Variants in FOCAD observed in about 807,000 individuals in gnomAD.
FOCAD encodes the protein focadhesin.
Under a neutral mutation model 225.6 loss-of-function variants are expected in FOCAD, and 198 were observed. That is an observed-to-expected ratio of 0.88 (90% CI 0.78 to 0.99). FOCAD has a LOEUF of 0.99. Ranked by LOEUF, FOCAD falls within the 50% of genes least tolerant of loss-of-function variation. The pLI, the probability that FOCAD is intolerant of heterozygous loss-of-function variation, is 0.00. For synonymous variants in FOCAD, 897 were observed against 755.0 expected (o/e 1.19, Z -3.08); for missense variants, 2,713 against 2,123.6 (o/e 1.28, Z -5.46).
chr9:20,889,070 C>A (rs1272902391), intron 21 of FOCAD, among the ~76,000 whole-genome samples: 1 of 152,158 alleles, frequency 6.6e-6, no homozygotes, highest in Non-Finnish European at 1.5e-5. Flanking sequence ...TTCCCACAAA[C>A]AATTTTAGAA....
chr9:20,765,527 A>G (rs984101191), intron 7 of FOCAD, among the ~76,000 whole-genome samples: 8 of 152,126 alleles, frequency 5.3e-5, no homozygotes, highest in Non-Finnish European at 8.8e-5. Flanking sequence ...TCCAGCTTCC[A>G]CATGTCCCCT....
chr9:20,859,297 G>T (rs544531877), intron 15 of FOCAD, among the ~76,000 whole-genome samples: 2 of 151,736 alleles, frequency 1.3e-5, no homozygotes, highest in Non-Finnish European at 2.9e-5. Context: ...CAGGAGAATT[G>T]CTTGAACCTG....
intron 4 of FOCAD, among the ~76,000 whole-genome samples, chr9:20,732,150 C>T (rs1002376768): frequency 1.3e-5 from 2 of 151,952 alleles, no homozygotes; most frequent in African/African-American, 4.8e-5. Flanking sequence ...GCTGTGATAC[C>T]GTGGTGAGGA....
Position 20,758,168 on chromosome 9 carries a change from G to T in FOCAD, c.471G>T (p.Ala157=). ...CWPVFLQQLT[A]FFQQCPERLE... ...CAGTGTTTTTGCAGCAGCTGACAGC[G>T]TTTTTCCAGCAGTGCCCTGAAAGGT... Residue 157 remains alanine (A), a synonymous_variant, in exon 6 of 44, where the codon GCG becomes GCT. Coordinates refer to ENST00000338382, the MANE Select transcript of FOCAD (RefSeq NM_001375567.1). The T allele has an allele frequency of 6.2e-7, 1 of 1,611,972 alleles. No individual in the cohort carries two copies. The highest frequency in any genetic ancestry group is 8.5e-7 in the Non-Finnish European group (1 of 1,179,060).
At chr9:20,931,919 AG>A (rs71496863) in intron 27 of FOCAD, among the ~76,000 whole-genome samples, 10 of 118,954 alleles carry the variant, frequency 8.4e-5, no homozygotes, top group South Asian at 5.8e-4. Context: ...AAAAAAAAAA[AG>A]GGGGGGAGAA....
intron 15 of FOCAD, among the ~76,000 whole-genome samples, chr9:20,836,757 T>G (rs896108049): frequency 6.6e-6 from 1 of 152,132 alleles, no homozygotes; most frequent in African/African-American, 2.4e-5. Flanking sequence ...AAATTTTAAC[T>G]GACTGTGTTA....
chr9:20,667,310 A>G (rs1366415750), intron 2 of FOCAD, among the ~76,000 whole-genome samples: 1 of 152,238 alleles, frequency 6.6e-6, no homozygotes, highest in African/African-American at 2.4e-5. Context: ...AAAACTAAAA[A>G]TAATCCACTC....
At chr9:20,950,000 G>T (rs1276492041) in intron 33 of FOCAD, among the ~76,000 whole-genome samples, 1 of 152,120 alleles carries the variant, frequency 6.6e-6, no homozygotes, top group African/African-American at 2.4e-5. Flanking sequence ...GGGCATGGCA[G>T]ATCTTGGTAG....
At chr9:20,821,996 TAAAAAAAAAA>T (rs58640962) in intron 14 of FOCAD, among the ~76,000 whole-genome samples, 6 of 49,298 alleles carry the variant, frequency 1.2e-4, no homozygotes, top group African/African-American at 1.6e-4. Context: ...TAAAAGTTAC[TAAAAAAAAAA>T]AAAAAAAAAA....
chr9:20,680,884 A>G (rs1391420726), upstream of FOCAD, among the ~76,000 whole-genome samples: 1 of 152,194 alleles, frequency 6.6e-6, no homozygotes, highest in Non-Finnish European at 1.5e-5. Flanking sequence ...CTGCAGACCC[A>G]GCTACTTGGA....
chr9:20,850,777 A>G (rs756355125), intron 15 of FOCAD, among the ~76,000 whole-genome samples: 11 of 150,154 alleles, frequency 7.3e-5, no homozygotes, highest in Non-Finnish European at 1.6e-4. Context: ...CTTTAATATT[A>G]TTTCCTCCAG....
intron 35 of FOCAD, among the ~76,000 whole-genome samples, chr9:20,970,511 A>T (rs1307982991): frequency 6.6e-5 from 10 of 152,078 alleles, no homozygotes; most frequent in Non-Finnish European, 1.3e-4. Context: ...TTTAGAGTAC[A>T]GAACTCTATA....
At chr9:20,678,443 GC>G (rs1244080369) in intron 2 of FOCAD, among the ~76,000 whole-genome samples, 1 of 152,142 alleles carries the variant, frequency 6.6e-6, no homozygotes, top group African/African-American at 2.4e-5. Flanking sequence ...AATATGAATT[GC>G]CTAGGAAACC....
At chr9:20,762,781 A>G (rs1400456980) in intron 6 of FOCAD, among the ~76,000 whole-genome samples, 1 of 151,836 alleles carries the variant, frequency 6.6e-6, no homozygotes, top group East Asian at 1.9e-4. Context: ...CCCGTAGTGA[A>G]CAAAGTGCCT....
chr9:20,866,917 T>TTTAAAC lies in FOCAD; in HGVS notation c.2107-12_2107-11insTTAAAC. 1 of 764,972 alleles carries TTTAAAC rather than the reference T, an allele frequency of 1.3e-6. No homozygotes were observed. Among genetic ancestry groups the TTTAAAC allele is most frequent in the Non-Finnish European group, 2.0e-6 (1 of 498,468 alleles). The allele number at this position is 764,972 out of a possible 1,614,324, so 47.4% of individuals were successfully genotyped here. A position where few individuals can be genotyped will look rare whatever the true frequency, so the allele number is the denominator to read the frequency against. On this transcript the variant is annotated splice_polypyrimidine_tract_variant and intron_variant, in intron 17 of 43. Transcript: ENST00000338382. ...TTTTTTTTTTTTTTTTTTTTTTTTT[T>TTTAAAC]ACCCTATCTAGGACCCAATTGTAGC...
chr9:20,762,564 T>C (rs528455695), intron 6 of FOCAD, among the ~76,000 whole-genome samples: 157 of 152,344 alleles, frequency 1.0e-3, no homozygotes, highest in African/African-American at 3.6e-3. Flanking sequence ...GCTTGGTAAC[T>C]TTTACATTTT....
intron 35 of FOCAD, among the ~76,000 whole-genome samples, chr9:20,972,944 C>A (rs1401030937): frequency 1.3e-5 from 2 of 151,714 alleles, no homozygotes; most frequent in Non-Finnish European, 2.9e-5. Context: ...GCTCCTTGTT[C>A]CTGTGCTTCT....
At chr9:20,827,184 A>C (rs1431226038) in intron 15 of FOCAD, among the ~76,000 whole-genome samples, 1 of 152,018 alleles carries the variant, frequency 6.6e-6, no homozygotes, top group Non-Finnish European at 1.5e-5. Flanking sequence ...TACCGTTTAG[A>C]TGTCACCCCC....
At position 20,711,690 on chromosome 9, in the gene FOCAD, G is replaced by A. The variant is rs186023878; in HGVS notation, c.-32-3632G>A. 4.9e-4 allele frequency among the ~76,000 whole-genome samples: 75 copies of A among 152,338 alleles called. No homozygotes were observed. In the East Asian group the frequency reaches 9.8e-3, roughly 20 times the overall value. ...GATAACTGGGGTAAAATGAACTGAA[G>A]TGACAGTTTTTTGAAAGGAAATATG... On this transcript the variant is annotated intron_variant, in intron 1 of 43. Coordinates refer to ENST00000338382, the MANE Select transcript of FOCAD (RefSeq NM_001375567.1).
Sources: gnomAD v4.1 joint callset for allele counts (sites outside exome capture counted in the v4.1 genomes callset) on GRCh38, gnomAD v4.1.1 for gene constraint, MANE v1.5 for transcripts, NCBI Gene and HGNC (gene_info 2026-07-23, HGNC 2026-07-21) for gene names.